Variants in EPHB1 observed in about 807,000 individuals in gnomAD.
The protein encoded by EPHB1 is ephrin type-B receptor 1.
EPHB1 carries 30 observed loss-of-function variants against 94.4 expected under a neutral mutation model. The observed-to-expected ratio is 0.32, with a 90% CI of 0.24 to 0.43. The LOEUF (loss-of-function observed/expected upper bound fraction) is 0.43, where lower values mean the gene tolerates loss of function less well. EPHB1 is among the 20% of genes least tolerant of loss of function. The probability of loss-of-function intolerance (pLI) is 1.00; values close to 1 mark genes in which losing one functional copy is unlikely to be tolerated. For synonymous variants in EPHB1, 522 were observed against 489.1 expected, an observed-to-expected ratio of 1.07 and a Z score of -0.89; for missense variants, 1,055 against 1,308.3, an observed-to-expected ratio of 0.81 and a Z score of 2.99.
intron 3 of EPHB1, among the ~76,000 whole-genome samples, chr3:134,954,336 G>T (rs1933160802): frequency 6.6e-6 from 1 of 152,200 alleles, no homozygotes; most frequent in African/African-American, 2.4e-5. Flanking sequence ...GGTGGGAAGT[G>T]CATTTGGAAG....
intron 15 of EPHB1, among the ~76,000 whole-genome samples, chr3:135,252,288 A>G (rs1222158434): frequency 1.3e-5 from 2 of 151,076 alleles, no homozygotes; most frequent in Non-Finnish European, 3.0e-5. Context: ...ATATGTATAC[A>G]TGTGCCATGC....
chr3:134,984,681 G>T (rs192800693), intron 3 of EPHB1, among the ~76,000 whole-genome samples: 41 of 152,276 alleles, frequency 2.7e-4, no homozygotes, highest in Middle Eastern at 3.4e-3. Context: ...GACCCAAGGA[G>T]GTCAGAGCTC....
intron 10 of EPHB1, among the ~76,000 whole-genome samples, chr3:135,184,380 A>G (rs1942273678): frequency 6.6e-6 from 1 of 152,246 alleles, no homozygotes; most frequent in Non-Finnish European, 1.5e-5. Flanking sequence ...AAATAAAAAT[A>G]TAATAATTGT....
intron 15 of EPHB1, among the ~76,000 whole-genome samples, chr3:135,251,582 A>AGAT (rs1229667228): frequency 3.3e-5 from 5 of 152,238 alleles, no homozygotes; most frequent in African/African-American, 1.2e-4. Context: ...GAGAGGTAAA[A>AGAT]GATGGAAAAA....
At chr3:135,090,516 C>T (rs943467792) in intron 3 of EPHB1, among the ~76,000 whole-genome samples, 3 of 152,234 alleles carry the variant, frequency 2.0e-5, no homozygotes, top group African/African-American at 4.8e-5. Context: ...AGAATTGACT[C>T]TAGACTTGCA....
intron 1 of EPHB1, among the ~76,000 whole-genome samples, chr3:134,916,386 C>G (rs2038568686): frequency 6.6e-6 from 1 of 152,240 alleles, no homozygotes; most frequent in African/African-American, 2.4e-5. Flanking sequence ...GTCGATGGGA[C>G]CGGACACCGT....
intron 3 of EPHB1, among the ~76,000 whole-genome samples, chr3:135,094,562 G>C (rs973831463): frequency 1.3e-5 from 2 of 152,302 alleles, no homozygotes; most frequent in South Asian, 2.1e-4. Context: ...AATAAGTTCA[G>C]CTGAGCCCCT....
chr3:134,862,818 C>T (rs1005768514), intron 1 of EPHB1, among the ~76,000 whole-genome samples: 2 of 152,202 alleles, frequency 1.3e-5, no homozygotes, highest in Non-Finnish European at 2.9e-5. Context: ...TCCTGTTCCT[C>T]CTCCTGGAGC....
intron 1 of EPHB1, among the ~76,000 whole-genome samples, chr3:134,919,183 G>A (rs1442716307): frequency 6.6e-6 from 1 of 152,224 alleles, no homozygotes; most frequent in Non-Finnish European, 1.5e-5. Flanking sequence ...TGAAGTAGAG[G>A]AAGGAATCAA....
intron 6 of EPHB1, among the ~76,000 whole-genome samples, chr3:135,156,516 T>C (rs1941360281): frequency 6.6e-6 from 1 of 152,184 alleles, no homozygotes; most frequent in African/African-American, 2.4e-5. Flanking sequence ...GGTCACAGTT[T>C]TACATTTATA....
At chr3:134,834,953 G>T (rs1578124431) in intron 1 of EPHB1, among the ~76,000 whole-genome samples, 1 of 152,340 alleles carries the variant, frequency 6.6e-6, no homozygotes, top group Middle Eastern at 3.4e-3. Flanking sequence ...ACCTATGAGT[G>T]ATTGACTGTC....
chr3:135,085,675 C>T (rs1275146599), intron 3 of EPHB1, among the ~76,000 whole-genome samples: 1 of 152,214 alleles, frequency 6.6e-6, no homozygotes, highest in African/African-American at 2.4e-5. Context: ...CCCAGTGTTC[C>T]TCAGCACACA....
chr3:134,969,963 A>C (rs1933904025), intron 3 of EPHB1, among the ~76,000 whole-genome samples: 1 of 152,248 alleles, frequency 6.6e-6, no homozygotes, highest in East Asian at 1.9e-4. Flanking sequence ...TTTAAAAATC[A>C]AAACTTGAAA....
intron 3 of EPHB1, among the ~76,000 whole-genome samples, chr3:135,029,203 G>A (rs1559801025): frequency 1.1e-5 from 1 of 93,842 alleles, no homozygotes; most frequent in Non-Finnish European, 2.3e-5. Flanking sequence ...TCTTTTAATT[G>A]GAGCATTTAG....
chr3:134,952,290 A>G (rs1933063664), intron 3 of EPHB1, among the ~76,000 whole-genome samples: 1 of 152,276 alleles, frequency 6.6e-6, no homozygotes, highest in East Asian at 1.9e-4. Flanking sequence ...CAAACAGTGG[A>G]AAATAACTTA....
At chr3:135,154,798 T>G (rs1263261929) in intron 6 of EPHB1, among the ~76,000 whole-genome samples, 2 of 152,208 alleles carry the variant, frequency 1.3e-5, no homozygotes, top group Non-Finnish European at 2.9e-5. Flanking sequence ...ATTTATATAT[T>G]ATTTTCCTTG....
chr3:135,070,396 C>T (rs563676361), intron 3 of EPHB1, among the ~76,000 whole-genome samples: 1 of 152,268 alleles, frequency 6.6e-6, no homozygotes, highest in South Asian at 2.1e-4. Flanking sequence ...CTGCTTTAGA[C>T]CATTGGGGCT....
chr3:135,217,424 CCACACACACACACA>C (rs200312241), intron 12 of EPHB1, among the ~76,000 whole-genome samples: 45 of 143,494 alleles, frequency 3.1e-4, no homozygotes, highest in Admixed American at 4.2e-4. Flanking sequence ...CCCATCAGTA[CCACACACACACACA>C]CACACACACA....
intron 1 of EPHB1, among the ~76,000 whole-genome samples, chr3:134,830,189 A>T (rs2036556488): frequency 6.6e-6 from 1 of 152,200 alleles, no homozygotes. Context: ...TGTTCTTTTC[A>T]GAATCGATTG....
Sources: gnomAD v4.1 joint callset for allele counts (sites outside exome capture counted in the v4.1 genomes callset) on GRCh38, gnomAD v4.1.1 for gene constraint, MANE v1.5 for transcripts, NCBI Gene and HGNC (gene_info 2026-07-23, HGNC 2026-07-21) for gene names.